Variants in ARPP21 observed in about 807,000 individuals in gnomAD.
ARPP21 encodes cAMP-regulated phosphoprotein 21.
In ARPP21, 69 loss-of-function variants were observed where a neutral mutation model predicts 113.2. That is an observed-to-expected ratio of 0.61 (90% CI 0.50 to 0.74). The LOEUF is 0.74. Among genes scored for constraint, ARPP21 ranks in the 30% least tolerant of loss-of-function variants. The pLI is 0.00. For synonymous variants in ARPP21, 368 were observed against 375.5 expected, an observed-to-expected ratio of 0.98 and a Z score of 0.23; for missense variants, 1,070 against 1,037.4, an observed-to-expected ratio of 1.03 and a Z score of -0.43.
At chr3:35,714,088 A>G (rs1257063288) in intron 11 of ARPP21, among the ~76,000 whole-genome samples, 1 of 152,204 alleles carries the variant, frequency 6.6e-6, no homozygotes, top group Non-Finnish European at 1.5e-5. Flanking sequence ...TTTCCCTTTC[A>G]TATATAAATG....
chr3:35,655,059 C>T (rs76715217), intron 1 of ARPP21, among the ~76,000 whole-genome samples: 1 of 151,692 alleles, frequency 6.6e-6, no homozygotes, highest in African/African-American at 2.4e-5. Flanking sequence ...ATATATTTTA[C>T]ATTATGTACA....
At chr3:35,793,501 G>A (rs1411793729) in intron 20 of ARPP21, among the ~76,000 whole-genome samples, 200 bp from the exon 21 acceptor site, 1 of 152,194 alleles carries the variant, frequency 6.6e-6, no homozygotes, top group Non-Finnish European at 1.5e-5. Flanking sequence ...AAGCATGTAT[G>A]TCATTATCGC....
At chr3:35,679,759 T>G (rs1365186091) in intron 1 of ARPP21, 28 bp from the exon 2 acceptor site, 1 of 152,260 alleles carries the variant, frequency 6.6e-6, no homozygotes, top group Non-Finnish European at 1.5e-5. Context: ...ATTGCAATTA[T>G]TATTATTTAT....
At chr3:35,735,284 T>C (rs2094274743) in intron 15 of ARPP21, among the ~76,000 whole-genome samples, 1 of 152,104 alleles carries the variant, frequency 6.6e-6, no homozygotes, top group Non-Finnish European at 1.5e-5. Flanking sequence ...GCTAATTTTT[T>C]GTATTTTTTT....
intron 19 of ARPP21, among the ~76,000 whole-genome samples, chr3:35,775,326 G>C (rs1181908589): frequency 5.3e-5 from 8 of 152,166 alleles, no homozygotes; most frequent in Non-Finnish European, 1.0e-4. Flanking sequence ...AGCGCAGAAT[G>C]AATCCCATTT....
chr3:35,724,414 C>T lies in ARPP21; in HGVS notation c.1225+2580C>T, dbSNP rs144551376. 8.3e-4 allele frequency among the ~76,000 whole-genome samples: 126 copies of T among 152,290 alleles called. 1 individual carries two copies. The highest frequency in any genetic ancestry group is 2.1e-3 in the African/African-American group (88 of 41,556). On this transcript the variant is annotated intron_variant, in intron 14 of 20. Transcript: ENST00000684406. ...AGCTATACTGTCACTATTGTTCCCC[C>T]ATCTTGATCTTCAAAGCAGGGTTTC...
intron 18 of ARPP21, among the ~76,000 whole-genome samples, chr3:35,740,755 A>G (rs1299124638): frequency 6.6e-6 from 1 of 152,172 alleles, no homozygotes; most frequent in Non-Finnish European, 1.5e-5. Context: ...TGTCAAACAA[A>G]ATGTAAGCAG....
intron 19 of ARPP21, among the ~76,000 whole-genome samples, chr3:35,761,331 C>T (rs150196263): frequency 1.3e-5 from 2 of 152,112 alleles, no homozygotes; most frequent in East Asian, 1.9e-4. Context: ...AGGTAAGGTA[C>T]GTGAAAAATT....
chr3:35,762,122 TCTCTCACACA>T (rs1311930798), intron 19 of ARPP21, among the ~76,000 whole-genome samples: 17 of 144,500 alleles, frequency 1.2e-4, no homozygotes, highest in African/African-American at 4.6e-4. Context: ...TCTCTCTCTC[TCTCTCACACA>T]CACACACACA....
rs1491156355 is a variant in ARPP21, at chr3:35,667,884, A to AGG, written c.-212-11903_-212-11902insGG. ...GAAGAAGAAGAAGAAGAAGAAGAAG[A>AGG]AGAAGAGGAAGAGGAAGAGGAAGAG... On this transcript the variant is annotated intron_variant, in intron 1 of 20. Coordinates refer to ENST00000684406, the MANE Select transcript of ARPP21 (RefSeq NM_001385562.1). 6.6e-5 allele frequency among the ~76,000 whole-genome samples: 9 copies of AGG among 136,654 alleles called. 1 individual carries two copies. Among genetic ancestry groups the AGG allele is most frequent in the South Asian group, 4.7e-4 (2 of 4,286 alleles). The allele number at this position is 136,654 out of a possible 152,430, so 89.7% of individuals were successfully genotyped here. A position where few individuals can be genotyped will look rare whatever the true frequency, so the allele number is the denominator to read the frequency against.
chr3:35,712,574 G>A (rs1323111133), intron 11 of ARPP21, among the ~76,000 whole-genome samples: 1 of 150,582 alleles, frequency 6.6e-6, no homozygotes, highest in Non-Finnish European at 1.5e-5. Flanking sequence ...AAGAGAGAGA[G>A]TGTGTGTGTG....
chr3:35,725,251 T>A (rs2093436478), intron 14 of ARPP21, among the ~76,000 whole-genome samples: 1 of 152,090 alleles, frequency 6.6e-6, no homozygotes, highest in Non-Finnish European at 1.5e-5. Context: ...ATGATTAGAT[T>A]TCAAAGGGAT....
intron 1 of ARPP21, among the ~76,000 whole-genome samples, chr3:35,642,728 A>G (rs1384393567): frequency 6.6e-6 from 1 of 152,172 alleles, no homozygotes; most frequent in Non-Finnish European, 1.5e-5. Context: ...CGTTCTGCGA[A>G]TAAAATAACT....
chr3:35,772,923 G>A (rs2096250390), intron 19 of ARPP21, among the ~76,000 whole-genome samples: 1 of 152,040 alleles, frequency 6.6e-6, no homozygotes, highest in Admixed American at 6.6e-5. Context: ...GTCATTATTA[G>A]GTTGCAATTA....
At chr3:35,720,167 G>C (rs2092914179) in intron 13 of ARPP21, among the ~76,000 whole-genome samples, 1 of 142,496 alleles carries the variant, frequency 7.0e-6, no homozygotes, top group African/African-American at 2.6e-5. Flanking sequence ...TATTAATAGA[G>C]GATGGAGGGC....
At chr3:35,722,980 G>C (rs2093235357) in intron 14 of ARPP21, among the ~76,000 whole-genome samples, 1 of 152,150 alleles carries the variant, frequency 6.6e-6, no homozygotes, top group Non-Finnish European at 1.5e-5. Context: ...GCTTTGTTTT[G>C]GTTCTGCCTT....
chr3:35,642,850 G>GT (rs1310893371), intron 1 of ARPP21, among the ~76,000 whole-genome samples: 1 of 152,092 alleles, frequency 6.6e-6, no homozygotes, highest in Non-Finnish European at 1.5e-5. Flanking sequence ...AGAGAAGCAG[G>GT]AAGTTTTGTT....
intron 1 of ARPP21, among the ~76,000 whole-genome samples, chr3:35,661,715 A>T (rs1559534219): frequency 6.6e-6 from 1 of 152,192 alleles, no homozygotes; most frequent in East Asian, 1.9e-4. Context: ...ACAATAATAC[A>T]TATTTCCTGG....
At chr3:35,769,746 G>A (rs2096128300) in intron 19 of ARPP21, among the ~76,000 whole-genome samples, 1 of 152,094 alleles carries the variant, frequency 6.6e-6, no homozygotes, top group South Asian at 2.1e-4. Flanking sequence ...ATAATTTGGA[G>A]CAGACTTTCT....
Sources: gnomAD v4.1 joint callset for allele counts (sites outside exome capture counted in the v4.1 genomes callset) on GRCh38, gnomAD v4.1.1 for gene constraint, MANE v1.5 for transcripts, NCBI Gene and HGNC (gene_info 2026-07-23, HGNC 2026-07-21) for gene names.